AUTS2: variants seen among roughly 807,000 people sequenced by gnomAD.
AUTS2 encodes the protein activator of transcription and developmental regulator AUTS2.
A neutral mutation model predicts 112.4 loss-of-function variants in AUTS2; 17 were observed. That is an observed-to-expected ratio of 0.15 (90% CI 0.10 to 0.23). AUTS2 has a LOEUF of 0.23. Among genes scored for constraint, AUTS2 ranks in the 10% least tolerant of loss-of-function variants. The pLI is 1.00. For missense variants in AUTS2, 1,510 were observed against 1,701.6 expected (o/e 0.89, Z 1.98); for synonymous variants, 751 against 702.7 (o/e 1.07, Z -1.09).
intron 5 of AUTS2, among the ~76,000 whole-genome samples, chr7:70,616,748 G>A (rs894756778): frequency 1.6e-4 from 22 of 138,412 alleles, no homozygotes; most frequent in African/African-American, 4.2e-4. Context: ...ATAGAGTGTC[G>A]AATAGTTTTT....
intron 5 of AUTS2, among the ~76,000 whole-genome samples, chr7:70,496,644 A>C (rs1798533008): frequency 7.5e-6 from 1 of 132,552 alleles, no homozygotes. Flanking sequence ...CACACACCCC[A>C]CACATGCACA....
intron 2 of AUTS2, among the ~76,000 whole-genome samples, chr7:69,908,907 G>C (rs1489957375): frequency 6.6e-6 from 1 of 152,100 alleles, no homozygotes; most frequent in African/African-American, 2.4e-5. Context: ...AGCAACTGTG[G>C]ATCTTTTGTT....
intron 5 of AUTS2, among the ~76,000 whole-genome samples, chr7:70,571,937 T>C (rs570044424): frequency 6.6e-6 from 1 of 152,138 alleles, no homozygotes; most frequent in South Asian, 2.1e-4. Flanking sequence ...AGAGCAGCTT[T>C]GGGGTATTAA....
intron 1 of AUTS2, among the ~76,000 whole-genome samples, chr7:69,844,811 C>G (rs781760171): frequency 4.1e-4 from 63 of 152,078 alleles, no homozygotes; most frequent in Non-Finnish European, 5.9e-4. Context: ...CCCTCTACTC[C>G]CCTTCCATTT....
chr7:70,386,345 T>G (rs1793605056), intron 4 of AUTS2, among the ~76,000 whole-genome samples: 1 of 152,234 alleles, frequency 6.6e-6, no homozygotes, highest in African/African-American at 2.4e-5. Context: ...ACTTCTGAAA[T>G]ATTATTTAAA....
intron 5 of AUTS2, among the ~76,000 whole-genome samples, chr7:70,446,215 C>T (rs963293303): frequency 1.5e-4 from 23 of 152,332 alleles, no homozygotes; most frequent in South Asian, 2.1e-4. Context: ...GCAAATGCTG[C>T]GTGGGCTGTT....
At chr7:70,514,866 A>G (rs1318681452) in intron 5 of AUTS2, among the ~76,000 whole-genome samples, 1 of 152,206 alleles carries the variant, frequency 6.6e-6, no homozygotes, top group Admixed American at 6.5e-5. Context: ...CCATCTCACT[A>G]TTCCGATCAT....
intron 5 of AUTS2, among the ~76,000 whole-genome samples, chr7:70,520,747 T>A (rs1227327995): frequency 2.6e-5 from 4 of 152,208 alleles, no homozygotes; most frequent in Non-Finnish European, 5.9e-5. Context: ...CTGGTACAAA[T>A]GAGCGGCTGA....
At chr7:70,748,065 T>C (rs1788581223) in intron 6 of AUTS2, among the ~76,000 whole-genome samples, 1 of 149,216 alleles carries the variant, frequency 6.7e-6, no homozygotes, top group African/African-American at 2.5e-5. Context: ...CCTGACCTCG[T>C]GATCCGCCCG....
intron 5 of AUTS2, among the ~76,000 whole-genome samples, chr7:70,664,196 G>A (rs1316409058): frequency 1.3e-5 from 2 of 152,156 alleles, no homozygotes; most frequent in Non-Finnish European, 2.9e-5. Context: ...TTCATCATTC[G>A]AAACCTACCT....
intron 14 of AUTS2, 63 bp downstream of exon 14, chr7:70,777,237 G>T (rs572517447): frequency 2.9e-5 from 42 of 1,444,220 alleles, no homozygotes; most frequent in Non-Finnish European, 3.8e-5. Flanking sequence ...TGACGTGCTC[G>T]GGAGAACCTG....
intron 5 of AUTS2, among the ~76,000 whole-genome samples, chr7:70,683,410 TA>T (rs1808304640): frequency 6.6e-6 from 1 of 152,232 alleles, no homozygotes; most frequent in Non-Finnish European, 1.5e-5. Flanking sequence ...TACTAGATGT[TA>T]AGGGCAATGG....
At chr7:70,612,302 C>T (rs565781145) in intron 5 of AUTS2, among the ~76,000 whole-genome samples, 3 of 152,096 alleles carry the variant, frequency 2.0e-5, no homozygotes, top group Non-Finnish European at 4.4e-5. Context: ...TATTGGAAGT[C>T]ATCTCCAGGC....
rs568095659 is a variant in AUTS2, at chr7:70,699,798, G to A, written c.742+1178G>A. 2.6e-5 allele frequency among the ~76,000 whole-genome samples: 4 copies of A among 152,336 alleles called. No individual in the cohort carries two copies. In the South Asian group the frequency reaches 8.3e-4, roughly 32 times the overall value. ...TGCTAAAAGCCCAATAAAAGAAGAT[G>A]TGTGCCATTCATAGCATACAGTACT... On this transcript the variant is annotated intron_variant, in intron 6 of 18. Coordinates refer to ENST00000342771, the MANE Select transcript of AUTS2 (RefSeq NM_015570.4).
At chr7:70,364,025 G>A (rs1056710938) in intron 4 of AUTS2, among the ~76,000 whole-genome samples, 2 of 152,158 alleles carry the variant, frequency 1.3e-5, no homozygotes, top group African/African-American at 4.8e-5. Flanking sequence ...CACATCATAG[G>A]AATGGGATCT....
rs142782924 is a variant in AUTS2 at position 69,994,225 on chromosome 7, T to G, written c.522+94727T>G. 2.5e-3 allele frequency among the ~76,000 whole-genome samples: 376 copies of G among 152,266 alleles called. 1 individual carries two copies. The highest frequency in any genetic ancestry group is 8.6e-3 in the African/African-American group (356 of 41,546). ...CAGCCTGGGCAATAGAGTGAGACATTTTTTCCATCAGCTCAGTGTATTAAA... is the reference window on the plus strand; with the variant it reads ...CAGCCTGGGCAATAGAGTGAGACATGTTTTCCATCAGCTCAGTGTATTAAA... On this transcript the variant is annotated intron_variant, in intron 2 of 18. Transcript: ENST00000342771.
intron 4 of AUTS2, among the ~76,000 whole-genome samples, chr7:70,395,511 AAAGG>A (rs959814127): frequency 2.0e-5 from 3 of 152,234 alleles, no homozygotes; most frequent in Admixed American, 6.5e-5. Flanking sequence ...TCCAACTGAT[AAAGG>A]AAGGAAATAA....
intron 1 of AUTS2, among the ~76,000 whole-genome samples, chr7:69,762,084 A>G (rs1788208431): frequency 6.6e-6 from 1 of 152,110 alleles, no homozygotes; most frequent in South Asian, 2.1e-4. Context: ...GAGAGGACCC[A>G]AGCTTCAGAT....
intron 1 of AUTS2, among the ~76,000 whole-genome samples, chr7:69,773,021 T>C (rs185159490): frequency 6.6e-6 from 1 of 152,302 alleles, no homozygotes; most frequent in Non-Finnish European, 1.5e-5. Flanking sequence ...GTACGGTATG[T>C]AAGAATGAGG....
Sources: gnomAD v4.1 joint callset for allele counts (sites outside exome capture counted in the v4.1 genomes callset) on GRCh38, gnomAD v4.1.1 for gene constraint, MANE v1.5 for transcripts, NCBI Gene and HGNC (gene_info 2026-07-23, HGNC 2026-07-21) for gene names.